Variants in LGI3 observed in about 807,000 individuals in gnomAD.
LGI3 encodes leucine rich repeat LGI family member 3, also known as leucine-rich repeat LGI family member 3.
In LGI3, 47 loss-of-function variants were observed where a neutral mutation model predicts 55.4. The observed-to-expected ratio is 0.85, with a 90% CI of 0.67 to 1.08. The LOEUF (loss-of-function observed/expected upper bound fraction) is 1.08, where lower values mean the gene tolerates loss of function less well. Among genes scored for constraint, LGI3 ranks in the 50% least tolerant of loss-of-function variants. The pLI is 0.00. For missense variants in LGI3, 664 were observed against 726.3 expected (o/e 0.91, Z 0.99); for synonymous variants, 326 against 315.0 (o/e 1.04, Z -0.37).
chr8:22,154,084 C>G, intron 4 of LGI3, 45 bp from the exon 5 acceptor site: 1 of 1,613,030 alleles, frequency 6.2e-7, no homozygotes, highest in Non-Finnish European at 8.5e-7. Flanking sequence ...TGAGCAAGGC[C>G]AAAGGCCACA....
At chr8:22,154,081 G>T (rs73225823) in intron 4 of LGI3, 42 bp from the exon 5 acceptor site, 242,538 of 1,612,630 alleles carry the variant, frequency 0.15, 19,364 homozygotes, top group Middle Eastern at 0.19. Flanking sequence ...TCATGAGCAA[G>T]GCCAAAGGCC....
chr8:22,153,952 A>G lies in LGI3; in HGVS notation c.494+16T>C. The G allele has an allele frequency of 6.2e-7, 1 of 1,612,632 alleles. No homozygotes were observed. The highest frequency in any genetic ancestry group is 1.3e-5 in the African/African-American group (1 of 75,030). ...CCTCTGCGGCACTGTTGGAAGAGGC[A>G]GGACTCAGGCCTTACAAGTCATTCA... On this transcript the variant is annotated intron_variant, in intron 5 of 7. Coordinates refer to ENST00000306317, the MANE Select transcript of LGI3 (RefSeq NM_139278.4).
intron 1 of LGI3, 112 bp from the exon 2 acceptor site, chr8:22,155,575 C>T (rs1827479724): frequency 1.2e-6 from 1 of 858,724 alleles, no homozygotes; most frequent in African/African-American, 1.7e-5. Flanking sequence ...GGAAATGCCC[C>T]ATTTCACCTA....
rs533021340 is a variant in LGI3, at chr8:22,156,257, G to C, written c.206+80C>G. On this transcript the variant is annotated intron_variant, in intron 1 of 7. Coordinates refer to ENST00000306317, the MANE Select transcript of LGI3 (RefSeq NM_139278.4). ...CCCCGCACTCTGAAGAGGGGGAGCG[G>C]GGGTTCTCCTGTCCTCTCCCAGAGC... 6.8e-6 allele frequency: 10 copies of C among 1,465,474 alleles called. No individual in the cohort carries two copies. The East Asian group carries it at 1.9e-4, about 28-fold the overall frequency. The allele number at this position is 1,465,474 out of a possible 1,614,324, so 90.8% of individuals were successfully genotyped here.
rs759114985 is a variant in LGI3 at position 22,154,834 on chromosome 8, T to G, written c.279-203A>C. 93 of 578,208 alleles carry G rather than the reference T, an allele frequency of 1.6e-4. 1 individual carries two copies. Among genetic ancestry groups the G allele is most frequent in the Admixed American group, 3.9e-4 (13 of 33,354 alleles). The allele number at this position is 578,208 out of a possible 1,614,324, so 35.8% of individuals were successfully genotyped here. A position where few individuals can be genotyped will look rare whatever the true frequency, so the allele number is the denominator to read the frequency against. Reference sequence around the variant, plus strand: ...GCCCCAGAAGCTCCCAGGGTCCCTGTTGGATCCTAAACATGGGCCAAGGCA... The same window carrying G: ...GCCCCAGAAGCTCCCAGGGTCCCTGGTGGATCCTAAACATGGGCCAAGGCA... On this transcript the variant is annotated intron_variant, in intron 2 of 7. Transcript: ENST00000306317.
chr8:22,156,244 A>C (rs914339152), intron 1 of LGI3, 93 bp downstream of exon 1: 2 of 1,364,692 alleles, frequency 1.5e-6, no homozygotes, highest in African/African-American at 2.9e-5. Flanking sequence ...CCGCACTCTG[A>C]AGAGGGGGAG....
Position 22,148,586 on chromosome 8 carries a change from G to T in LGI3, c.1221C>A (p.Thr407=). ...CACCCTGGGCCACAAACTGCTTCTG[G>T]GTGCGACTCCACTGATAGATGACGG... ...QAPVIYQWSR[T]QKQFVAQGEV... Residue 407 remains threonine (T), a synonymous_variant, in exon 8 of 8, where the codon ACC becomes ACA. Transcript: ENST00000306317. The surrounding 1 kb of genome is among the most constrained non-coding windows in gnomAD (Gnocchi z 7.0). 6.2e-7 allele frequency: 1 copy of T among 1,613,880 alleles called. No homozygotes were observed.
chr8:22,155,054 T>C, intron 2 of LGI3: 1 of 423,032 alleles, frequency 2.4e-6, no homozygotes, highest in East Asian at 4.5e-5. Context: ...ATTCCTGGGA[T>C]CACCTGTCTC....
chr8:22,149,266 C>T (rs922786314), intron 7 of LGI3, among the ~76,000 whole-genome samples: 6 of 152,228 alleles, frequency 3.9e-5, no homozygotes, highest in African/African-American at 1.4e-4. Context: ...GTTGCTTAAC[C>T]ATAATGTCAG....
Position 22,156,445 on chromosome 8 carries a change from G to T in LGI3, c.98C>A (p.Pro33His). The change falls in exon 1 of 8, where the codon CCC (proline) becomes CAC (histidine). Residue 33 changes from proline to histidine, a missense_variant. Coordinates refer to ENST00000306317, the MANE Select transcript of LGI3 (RefSeq NM_139278.4). Reference sequence around the variant, plus strand: ...GGGCGGGCAGGGGGGCGTCTTGGGGGGCCTCTTAGCGCTGACTTGCAGCAT... The same window carrying T: ...GGGCGGGCAGGGGGGCGTCTTGGGGTGCCTCTTAGCGCTGACTTGCAGCAT... ...CLMLQVSAKR[P>H]PKTPPCPPSC... 4 of 1,562,076 alleles carry T rather than the reference G, an allele frequency of 2.6e-6. No homozygotes were observed. The highest frequency in any genetic ancestry group is 3.5e-6 in the Non-Finnish European group (4 of 1,157,450).
At chr8:22,153,389 T>A (rs976098731) in intron 5 of LGI3, among the ~76,000 whole-genome samples, 10 of 151,248 alleles carry the variant, frequency 6.6e-5, no homozygotes, top group Non-Finnish European at 1.2e-4. Flanking sequence ...CCAGCCTTTT[T>A]TTGGCTGAGC....
intron 3 of LGI3, 36 bp from the exon 4 acceptor site, chr8:22,154,249 A>T (rs1282304131): frequency 6.5e-7 from 1 of 1,548,682 alleles, no homozygotes; most frequent in Non-Finnish European, 8.9e-7. Flanking sequence ...GTGCTCACAC[A>T]GGATGCCAGA....
Position 22,154,225 on chromosome 8 carries a change from G to A in LGI3, c.351-12C>T, listed in dbSNP as rs770763168. On this transcript the variant is annotated splice_polypyrimidine_tract_variant and intron_variant, in intron 3 of 7. Coordinates refer to ENST00000306317, the MANE Select transcript of LGI3 (RefSeq NM_139278.4). ...TGTTCTCAATGAAGCTGGGGAAAGC[G>A]GGAACTTGCCTCAGTGCTCACACAG... The A allele has an allele frequency of 3.6e-5, 58 of 1,612,498 alleles. No homozygotes were observed. Among genetic ancestry groups the A allele is most frequent in the African/African-American group, 8.0e-5 (6 of 74,814 alleles).
chr8:22,152,192 C>CAG (rs1827388606), intron 5 of LGI3, among the ~76,000 whole-genome samples, 192 bp from the exon 6 acceptor site: 1 of 152,216 alleles, frequency 6.6e-6, no homozygotes, highest in Admixed American at 6.5e-5. Context: ...GCTTGGCCAG[C>CAG]AGAGTATGGA....
chr8:22,151,780 G>T, intron 6 of LGI3, 51 bp downstream of exon 6: 1 of 1,577,644 alleles, frequency 6.3e-7, no homozygotes, highest in Non-Finnish European at 8.6e-7. Context: ...TGTCTGTAAA[G>T]CTGCCTTGGG....
chr8:22,153,725 A>ACAC, intron 5 of LGI3, among the ~76,000 whole-genome samples: 1 of 135,676 alleles, frequency 7.4e-6, no homozygotes, highest in South Asian at 2.1e-4. Flanking sequence ...AAAAAAAAAA[A>ACAC]ACACACACAC....
intron 7 of LGI3, among the ~76,000 whole-genome samples, chr8:22,150,351 ATTTTTTTTTT>A (rs61084616): frequency 1.3e-3 from 96 of 72,606 alleles, no homozygotes; most frequent in Non-Finnish European, 1.7e-3. Flanking sequence ...TAAGCCTTCT[ATTTTTTTTTT>A]TTTTTTTTTT....
intron 1 of LGI3, among the ~76,000 whole-genome samples, chr8:22,155,925 C>T (rs373218809): frequency 5.9e-5 from 9 of 152,322 alleles, no homozygotes; most frequent in Middle Eastern, 6.8e-3. Context: ...TGGTCAGTGG[C>T]GGGCATGTGC....
chr8:22,148,451 C>T lies in LGI3; in HGVS notation c.1356G>A (p.Glu452=), dbSNP rs750109524. Residue 452 remains glutamate, a synonymous_variant, in exon 8 of 8, where the codon GAG becomes GAA. Coordinates refer to ENST00000306317, the MANE Select transcript of LGI3 (RefSeq NM_139278.4). The surrounding 1 kb of genome is among the most constrained non-coding windows in gnomAD (Gnocchi z 7.0). ...YIGDSKILRW[E]GTRFSEVQAL... ...CCTGCACCTCCGAGAAGCGGGTACCCTCCCAGCGCAGGATCTTGGAGTCGC... is the reference window on the plus strand; with the variant it reads ...CCTGCACCTCCGAGAAGCGGGTACCTTCCCAGCGCAGGATCTTGGAGTCGC... 3 of 1,612,380 alleles carry T rather than the reference C, an allele frequency of 1.9e-6. No homozygotes were observed. Among genetic ancestry groups the T allele is most frequent in the Non-Finnish European group, 2.5e-6 (3 of 1,179,948 alleles).
Sources: gnomAD v4.1 joint callset for allele counts (sites outside exome capture counted in the v4.1 genomes callset) on GRCh38, gnomAD v4.1.1 for gene constraint, Gnocchi (gnomAD v3.1) non-coding constraint, MANE v1.5 for transcripts, NCBI Gene and HGNC (gene_info 2026-07-23, HGNC 2026-07-21) for gene names.